Variants in KCNMB2 observed in about 807,000 individuals in gnomAD.
KCNMB2 encodes the protein calcium-activated potassium channel subunit beta-2.
In KCNMB2, 9 loss-of-function variants were observed where a neutral mutation model predicts 24.5. That is an observed-to-expected ratio of 0.37 (90% confidence interval 0.22 to 0.64). The LOEUF is 0.64. KCNMB2 is among the 30% of genes least tolerant of loss of function. The pLI is 0.63. For missense variants in KCNMB2, 226 were observed against 284.3 expected (o/e 0.79, Z 1.47); for synonymous variants, 109 against 104.4 (o/e 1.04, Z -0.27).
chr3:178,564,203 G>T (rs762105102), intron 1 of KCNMB2, among the ~76,000 whole-genome samples: 1 of 152,022 alleles, frequency 6.6e-6, no homozygotes, highest in African/African-American at 2.4e-5. Context: ...GCTTCAACCC[G>T]GGAGGCGGAG....
chr3:178,687,708 A>G (rs570453282), intron 1 of KCNMB2, among the ~76,000 whole-genome samples: 140 of 152,290 alleles, frequency 9.2e-4, no homozygotes, highest in Non-Finnish European at 1.6e-3. Flanking sequence ...CAGCCAAGAG[A>G]AAGTACTAGG....
chr3:178,736,166 A>T (rs1343237236), intron 1 of KCNMB2, among the ~76,000 whole-genome samples: 1 of 152,194 alleles, frequency 6.6e-6, no homozygotes, highest in Non-Finnish European at 1.5e-5. Context: ...CCAGAACAGC[A>T]TGTTTACTTG....
At chr3:178,825,458 A>T in intron 2 of KCNMB2, 130 bp from the exon 3 acceptor site, 1 of 644,410 alleles carries the variant, frequency 1.6e-6, no homozygotes, top group Non-Finnish European at 2.7e-6. Context: ...TAGTGGACAC[A>T]CACTGAGGTC....
Position 178,557,094 on chromosome 3 carries a change from C to A in KCNMB2, c.-68+20383C>A, listed in dbSNP as rs1469577906. Among the ~76,000 whole-genome samples the A allele has an allele frequency of 1.3e-5, 2 of 152,178 alleles. 1 individual carries two copies. Among genetic ancestry groups the A allele is most frequent in the Middle Eastern group, 6.3e-3 (2 of 316 alleles). ...ACAAGGATTAATTAATCAATCAAGA[C>A]CTCCACAGCACTGGTTATCAACCCT... On this transcript the variant is annotated intron_variant, in intron 1 of 4. Transcript: ENST00000452583.
intron 1 of KCNMB2, among the ~76,000 whole-genome samples, chr3:178,806,692 A>C (rs1464559357): frequency 6.7e-6 from 1 of 149,050 alleles, no homozygotes. Flanking sequence ...TCATAATAAT[A>C]ATAATAATAA....
intron 4 of KCNMB2, among the ~76,000 whole-genome samples, chr3:178,829,769 T>C (rs1714984040): frequency 6.6e-6 from 1 of 152,186 alleles, no homozygotes; most frequent in South Asian, 2.1e-4. Flanking sequence ...GAATGCATTA[T>C]TTAGGCTATA....
intron 1 of KCNMB2, among the ~76,000 whole-genome samples, chr3:178,616,767 G>C (rs1490074471): frequency 6.6e-6 from 1 of 152,108 alleles, no homozygotes; most frequent in Non-Finnish European, 1.5e-5. Context: ...TGTGGGGTTG[G>C]TTTTATAATC....
chr3:178,783,562 T>C (rs1712964035), intron 1 of KCNMB2, among the ~76,000 whole-genome samples: 1 of 147,684 alleles, frequency 6.8e-6, no homozygotes, highest in East Asian at 2.0e-4. Context: ...CAATTGTGAA[T>C]GGGAGTTCAC....
At chr3:178,740,486 C>T (rs1165141276) in intron 1 of KCNMB2, among the ~76,000 whole-genome samples, 2 of 152,104 alleles carry the variant, frequency 1.3e-5, no homozygotes, top group African/African-American at 2.4e-5. Context: ...CCATGATGTT[C>T]ATAAATCAGT....
At chr3:178,754,850 A>C (rs553566441) in intron 1 of KCNMB2, among the ~76,000 whole-genome samples, 2 of 152,302 alleles carry the variant, frequency 1.3e-5, no homozygotes, top group South Asian at 4.1e-4. Context: ...CTTTACAGAC[A>C]GCTTGTTTAG....
At chr3:178,610,700 T>C (rs1276603265) in intron 1 of KCNMB2, among the ~76,000 whole-genome samples, 1 of 152,206 alleles carries the variant, frequency 6.6e-6, no homozygotes, top group Non-Finnish European at 1.5e-5. Flanking sequence ...CAAACAAGAA[T>C]AATTTGACTT....
At chr3:178,710,637 CGTGA>C (rs1031142649) in intron 1 of KCNMB2, among the ~76,000 whole-genome samples, 7 of 151,784 alleles carry the variant, frequency 4.6e-5, no homozygotes, top group Non-Finnish European at 7.4e-5. Context: ...TATGTGTGTG[CGTGA>C]GTGTGTGTGC....
At chr3:178,658,830 AG>A (rs1293044481) in intron 1 of KCNMB2, among the ~76,000 whole-genome samples, 1 of 152,222 alleles carries the variant, frequency 6.6e-6, no homozygotes, top group African/African-American at 2.4e-5. Context: ...TTACATCAAA[AG>A]CCTACAGAAT....
intron 1 of KCNMB2, among the ~76,000 whole-genome samples, chr3:178,743,118 A>G (rs79217896): frequency 0.14 from 21,281 of 152,168 alleles, 1,838 homozygotes; most frequent in Non-Finnish European, 0.18. Context: ...ATAGCAGTGT[A>G]GCAGAGTGTG....
chr3:178,772,943 A>G (rs991732704), intron 1 of KCNMB2, among the ~76,000 whole-genome samples: 5 of 152,074 alleles, frequency 3.3e-5, no homozygotes, highest in African/African-American at 1.2e-4. Flanking sequence ...AGCTAGCGGT[A>G]TTCACCCCAT....
chr3:178,612,978 T>C (rs137971886), intron 1 of KCNMB2, among the ~76,000 whole-genome samples: 18 of 152,036 alleles, frequency 1.2e-4, no homozygotes, highest in African/African-American at 4.1e-4. Flanking sequence ...TTTAACCTGA[T>C]AATAACTTAA....
At chr3:178,710,619 CAT>C (rs1722420601) in intron 1 of KCNMB2, among the ~76,000 whole-genome samples, 2 of 152,098 alleles carry the variant, frequency 1.3e-5, no homozygotes, top group Middle Eastern at 3.4e-3. Flanking sequence ...TTCCCCCACT[CAT>C]ATGTGTATGT....
At chr3:178,654,608 G>C (rs1051398659) in intron 1 of KCNMB2, among the ~76,000 whole-genome samples, 2 of 152,140 alleles carry the variant, frequency 1.3e-5, no homozygotes, top group East Asian at 1.9e-4. Flanking sequence ...GTTATCTCTT[G>C]AGGCATAGCC....
At position 178,670,442 on chromosome 3, in the gene KCNMB2, T is replaced by C. The variant is rs1720862974; in HGVS notation, c.-68+133731T>C. 2.0e-5 allele frequency among the ~76,000 whole-genome samples: 3 copies of C among 152,148 alleles called. No homozygotes were observed. In the South Asian group the frequency reaches 6.2e-4, roughly 31 times the overall value. ...GAGACTCTAGAATGTCTGTTAGTAA[T>C]AACAACAGTAATTAACACTTCTAGT... is the stretch of plus-strand genomic sequence containing the variant. On this transcript the variant is annotated intron_variant, in intron 1 of 4. Coordinates refer to ENST00000452583, the MANE Select transcript of KCNMB2 (RefSeq NM_181361.3).
Sources: allele counts gnomAD v4.1 joint callset (sites outside exome capture counted in the v4.1 genomes callset), GRCh38; gene constraint gnomAD v4.1.1; transcripts MANE v1.5; gene names NCBI Gene and HGNC (gene_info 2026-07-23, HGNC 2026-07-21).